ARHGAP36: variants seen among roughly 807,000 people sequenced by gnomAD.
ARHGAP36 encodes the protein Rho GTPase activating protein 36, also known as rho GTPase-activating protein 36.
In ARHGAP36, 7 loss-of-function variants were observed where a neutral mutation model predicts 32.9. The ratio of observed to expected loss-of-function variants is 0.21; its 90% confidence interval spans 0.12 to 0.40. The LOEUF is 0.40. ARHGAP36 is among the 10% of genes least tolerant of loss of function. ARHGAP36 has a pLI of 1.00. For missense variants in ARHGAP36, 383 were observed against 442.2 expected (o/e 0.87, Z 1.20); for synonymous variants, 165 against 168.3 (o/e 0.98, Z 0.15).
chrX:131,079,780 TC>T (rs2079785572), intron 1 of ARHGAP36, among the ~76,000 whole-genome samples: 1 of 111,186 alleles, frequency 9.0e-6, no homozygotes, highest in Non-Finnish European at 1.9e-5. Context: ...AAGGTTTAGT[TC>T]CCCATCTCCT....
At chrX:131,075,353 G>T (rs977506329) in intron 1 of ARHGAP36, among the ~76,000 whole-genome samples, 1 of 110,894 alleles carries the variant, frequency 9.0e-6, no homozygotes, top group Admixed American at 9.6e-5. Flanking sequence ...CTTACATGGA[G>T]TGAAGCTGGG....
chrX:131,083,085 C>T, intron 2 of ARHGAP36, 80 bp from the exon 3 acceptor site: 1 of 982,966 alleles, frequency 1.0e-6, no homozygotes, highest in South Asian at 2.3e-5. Flanking sequence ...CCCCCTGCTG[C>T]AGATCAGGGC....
chrX:131,061,351 C>T (rs904894454), intron 1 of ARHGAP36, among the ~76,000 whole-genome samples: 4 of 111,069 alleles, frequency 3.6e-5, no homozygotes, highest in Non-Finnish European at 7.5e-5. Flanking sequence ...AATGGGCAAC[C>T]ATAGGAAGGC....
At chrX:131,082,014 G>A (rs1021974588) in intron 2 of ARHGAP36, 96 bp downstream of exon 2, 34 of 1,019,233 alleles carry the variant, frequency 3.3e-5, no homozygotes, top group African/African-American at 7.5e-5. Context: ...GGTGGGAGGG[G>A]CTCACGCCTG....
chrX:131,081,471 ACTAT>A, intron 1 of ARHGAP36, 49 bp from the exon 2 acceptor site: 1 of 920,539 alleles, frequency 1.1e-6, no homozygotes. Flanking sequence ...TTTTTCCTGG[ACTAT>A]CTGTTAAGGG....
chrX:131,067,670 C>A (rs1454530370), intron 1 of ARHGAP36, among the ~76,000 whole-genome samples: 2 of 111,746 alleles, frequency 1.8e-5, no homozygotes, highest in Admixed American at 9.5e-5. Flanking sequence ...ACGCGGCAAT[C>A]CCCCTTCAAG....
intron 1 of ARHGAP36, chrX:131,078,761 C>G (rs1476337779): frequency 2.0e-6 from 2 of 979,657 alleles, no homozygotes; most frequent in East Asian, 7.5e-5. Context: ...GCAAGTAAGG[C>G]AATGCCAATT....
chrX:131,075,166 TTTGC>T (rs765557571), intron 1 of ARHGAP36, among the ~76,000 whole-genome samples: 1 of 112,288 alleles, frequency 8.9e-6, no homozygotes, highest in East Asian at 2.8e-4. Flanking sequence ...ACCTTGCTTG[TTTGC>T]TTGCTTGGCA....
rs544523095 is a variant in ARHGAP36, at chrX:131,084,501, G to A, written c.748+94G>A. ...GGGGAGAAAAGAGGCCGAGGATGAA[G>A]GGCTTGGATAACATTCCCCTGACAC... On this transcript the variant is annotated intron_variant, in intron 5 of 11. Transcript: ENST00000276211. The A allele has an allele frequency of 2.4e-3, 2,764 of 1,131,884 alleles. 21 individuals carry two copies. The highest frequency in any genetic ancestry group is 0.018 in the South Asian group (933 of 50,565). 93.3% of individuals were successfully genotyped at this position (1,131,884 alleles called of 1,213,427 possible).
chrX:131,088,450 T>C (rs2079847489), intron 11 of ARHGAP36, among the ~76,000 whole-genome samples, 178 bp from the exon 12 acceptor site: 1 of 112,184 alleles, frequency 8.9e-6, no homozygotes, highest in South Asian at 3.7e-4. Context: ...GATTCAGAGA[T>C]CTGTGTTCTG....
At chrX:131,067,411 T>C (rs2079704972) in intron 1 of ARHGAP36, among the ~76,000 whole-genome samples, 1 of 113,319 alleles carries the variant, frequency 8.8e-6, no homozygotes, top group African/African-American at 3.2e-5. Context: ...TCCTCTTCTT[T>C]CCTTTAAGCA....
At chrX:131,075,623 A>ATATG (rs778565871) in intron 1 of ARHGAP36, among the ~76,000 whole-genome samples, 2 of 98,143 alleles carry the variant, frequency 2.0e-5, no homozygotes, top group East Asian at 3.2e-4. Context: ...GTGTATATAT[A>ATATG]TGTGTGTGTG....
At chrX:131,069,249 C>T (rs1334674924) in intron 1 of ARHGAP36, among the ~76,000 whole-genome samples, 4 of 112,309 alleles carry the variant, frequency 3.6e-5, no homozygotes, top group Non-Finnish European at 5.6e-5. Context: ...CTGTCCTCCA[C>T]TTGCTTCTTT....
intron 1 of ARHGAP36, among the ~76,000 whole-genome samples, chrX:131,065,943 T>A (rs987993775): frequency 8.9e-6 from 1 of 112,035 alleles, no homozygotes; most frequent in Non-Finnish European, 1.9e-5. Context: ...CCCTGACCTC[T>A]TTGCAGCAGT....
At chrX:131,065,041 T>TTGTGTGTGTGTG (rs35681413) in intron 1 of ARHGAP36, among the ~76,000 whole-genome samples, 2 of 103,361 alleles carry the variant, frequency 1.9e-5, no homozygotes, top group Admixed American at 2.1e-4. Context: ...GTGTGTGTGT[T>TTGTGTGTGTGTG]TGTGTGTGTG....
rs11417328 is a variant in ARHGAP36, at chrX:131,079,562, G to GTTT, written c.-142-1951_-142-1949dup. Among the ~76,000 whole-genome samples the GTTT allele has an allele frequency of 3.2e-3, 300 of 93,097 alleles. 3 individuals are homozygous for GTTT. The highest frequency in any genetic ancestry group is 4.4e-3 in the Non-Finnish European group (207 of 47,577). The allele number at this position is 93,097 out of a possible 115,157, so 80.8% of individuals were successfully genotyped here. A position where few individuals can be genotyped will look rare whatever the true frequency, so the allele number is the denominator to read the frequency against. ...GTTTGTTTTTTGTTTTTTGTTTTTT[G>GTTT]TTTTTTTTTTTTTGGACAGAAGGTA... On this transcript the variant is annotated intron_variant, in intron 1 of 11. Transcript: ENST00000276211.
At chrX:131,070,034 A>G (rs1170171400) in intron 1 of ARHGAP36, among the ~76,000 whole-genome samples, 2 of 112,348 alleles carry the variant, frequency 1.8e-5, no homozygotes, top group African/African-American at 3.2e-5. Context: ...GTACATGAGG[A>G]GTTATCATAA....
At position 131,081,677 on chromosome X, in the gene ARHGAP36, C is replaced by T. The variant is rs1284307678; in HGVS notation, c.12C>T (p.Cys4=). MGG[C]IPFLKAARAL... ...CATCCGATTCCAGAATGGGTGGCTG[C>T]ATTCCTTTTCTGAAGGCAGCAAGGG... Residue 4 remains cysteine (C), a synonymous_variant, in exon 2 of 12, where the codon TGC becomes TGT. Transcript: ENST00000276211. 2.6e-6 allele frequency: 3 copies of T among 1,158,358 alleles called. No individual in the cohort carries two copies. The highest frequency in any genetic ancestry group is 6.8e-5 in the East Asian group (2 of 29,315).
At chrX:131,083,630 G>A in intron 3 of ARHGAP36, 104 bp from the exon 4 acceptor site, 2 of 803,982 alleles carry the variant, frequency 2.5e-6, no homozygotes, top group Non-Finnish European at 3.7e-6. Context: ...AGGTGGGGTT[G>A]GCTGCGGGTG....
Sources: allele counts gnomAD v4.1 joint callset (sites outside exome capture counted in the v4.1 genomes callset), GRCh38; gene constraint gnomAD v4.1.1; transcripts MANE v1.5; gene names NCBI Gene and HGNC (gene_info 2026-07-23, HGNC 2026-07-21).